RANBP10: variants seen among roughly 807,000 people sequenced by gnomAD.
RANBP10 encodes the protein RAN binding protein 10.
A neutral mutation model predicts 72.8 loss-of-function variants in RANBP10; 24 were observed. The observed-to-expected ratio is 0.33, with a 90% CI of 0.24 to 0.46. The LOEUF (loss-of-function observed/expected upper bound fraction) is 0.46. RANBP10 is among the 20% of genes least tolerant of loss of function. RANBP10 has a pLI of 1.00. For synonymous variants in RANBP10, 310 were observed against 322.3 expected (o/e 0.96, Z 0.41); for missense variants, 679 against 817.5 (o/e 0.83, Z 2.07).
Position 67,806,284 on chromosome 16 carries a change from A to C in RANBP10, c.235+18T>G, listed in dbSNP as rs766562827. On this transcript the variant is annotated intron_variant, in intron 1 of 13. Coordinates refer to ENST00000317506, the MANE Select transcript of RANBP10 (RefSeq NM_020850.3). ...GGACGCTCTAGCCTTAATTCCCCCCAGCCTGACGGGCCGATACCTTTGTAG... is the reference window on the plus strand; with the variant it reads ...GGACGCTCTAGCCTTAATTCCCCCCCGCCTGACGGGCCGATACCTTTGTAG... 4.4e-6 allele frequency: 7 copies of C among 1,595,914 alleles called. No individual in the cohort carries two copies. The highest frequency in any genetic ancestry group is 2.3e-5 in the South Asian group (2 of 88,886).
At chr16:67,764,587 C>A (rs946415122) in intron 3 of RANBP10, among the ~76,000 whole-genome samples, 4 of 152,196 alleles carry the variant, frequency 2.6e-5, no homozygotes, top group Non-Finnish European at 5.9e-5. Context: ...TGTGAAGACA[C>A]CAAGTCCAGC....
chr16:67,763,133 A>C (rs2054429771), intron 3 of RANBP10, among the ~76,000 whole-genome samples: 1 of 152,120 alleles, frequency 6.6e-6, no homozygotes, highest in South Asian at 2.1e-4. Context: ...TGAGCAGGAG[A>C]CTGTCCACTG....
chr16:67,748,665 G>GTGT (rs1362752412), intron 3 of RANBP10, among the ~76,000 whole-genome samples: 2 of 152,018 alleles, frequency 1.3e-5, no homozygotes, highest in Non-Finnish European at 2.9e-5. Context: ...CTGCACCAAG[G>GTGT]TGTTAGAAAA....
intron 5 of RANBP10, 77 bp downstream of exon 5, chr16:67,737,936 A>T (rs2143004041): frequency 6.7e-7 from 1 of 1,496,830 alleles, no homozygotes; most frequent in African/African-American, 1.4e-5. Flanking sequence ...CACACCCTGC[A>T]CTTGCAGGTA....
At chr16:67,789,135 T>C (rs2054977614) in intron 2 of RANBP10, among the ~76,000 whole-genome samples, 1 of 149,086 alleles carries the variant, frequency 6.7e-6, no homozygotes, top group Non-Finnish European at 1.5e-5. Context: ...TATGGTGAAA[T>C]GCCATCTCTA....
intron 2 of RANBP10, among the ~76,000 whole-genome samples, chr16:67,799,314 G>A (rs1404294559): frequency 1.5e-5 from 2 of 136,698 alleles, no homozygotes; most frequent in Non-Finnish European, 3.1e-5. Flanking sequence ...TTGAGACAGA[G>A]TCTCGCTCTG....
At chr16:67,728,625 A>G in intron 10 of RANBP10, 114 bp from the exon 11 acceptor site, 2 of 1,565,048 alleles carry the variant, frequency 1.3e-6, no homozygotes, top group East Asian at 2.3e-5. Context: ...GAGGACCCCC[A>G]GGAACATGAA....
intron 1 of RANBP10, 98 bp downstream of exon 1, chr16:67,806,204 C>G (rs974797030): frequency 1.1e-4 from 129 of 1,206,532 alleles, no homozygotes; most frequent in Non-Finnish European, 1.4e-4. Context: ...CTTGGAGCAC[C>G]TAGGCAGGGA....
intron 2 of RANBP10, among the ~76,000 whole-genome samples, chr16:67,795,069 T>C (rs2055104446): frequency 6.7e-6 from 1 of 150,142 alleles, no homozygotes; most frequent in African/African-American, 2.5e-5. Context: ...GGGCAAGTGG[T>C]GAAATTCCAT....
intron 2 of RANBP10, among the ~76,000 whole-genome samples, chr16:67,773,811 G>C (rs1033061753): frequency 6.6e-6 from 1 of 152,202 alleles, no homozygotes; most frequent in South Asian, 2.1e-4. Flanking sequence ...ATTTGAGACA[G>C]AGTTGGATCC....
Position 67,734,843 on chromosome 16 carries a change from G to A in RANBP10, c.776+15C>T. The A allele has an allele frequency of 6.4e-7, 1 of 1,564,196 alleles. No homozygotes were observed. The highest frequency in any genetic ancestry group is 1.2e-5 in the South Asian group (1 of 84,592). On this transcript the variant is annotated intron_variant, in intron 6 of 13. Coordinates refer to ENST00000317506, the MANE Select transcript of RANBP10 (RefSeq NM_020850.3). ...GTGGGGTGGGAGTGGGTAAGGGCAGGAGCAGGGCACTCACTTCTGCAGCAC... is the reference window on the plus strand; with the variant it reads ...GTGGGGTGGGAGTGGGTAAGGGCAGAAGCAGGGCACTCACTTCTGCAGCAC...
chr16:67,735,967 C>T (rs1440251425), intron 5 of RANBP10, among the ~76,000 whole-genome samples: 1 of 151,950 alleles, frequency 6.6e-6, no homozygotes, highest in Non-Finnish European at 1.5e-5. Flanking sequence ...TGTGAGGCTC[C>T]CTGCTTTCCA....
At chr16:67,747,031 C>A (rs1018157896) in intron 3 of RANBP10, among the ~76,000 whole-genome samples, 10 of 152,182 alleles carry the variant, frequency 6.6e-5, no homozygotes, top group African/African-American at 2.2e-4. Flanking sequence ...GTTTTCATTT[C>A]TCTTGGGTAA....
chr16:67,775,938 G>A (rs1188627544), intron 2 of RANBP10, among the ~76,000 whole-genome samples: 4 of 151,878 alleles, frequency 2.6e-5, no homozygotes, highest in Non-Finnish European at 5.9e-5. Flanking sequence ...AAGGTCAGGA[G>A]ATCAAGACCA....
At chr16:67,742,233 G>A (rs1022239223) in intron 4 of RANBP10, among the ~76,000 whole-genome samples, 2 of 152,112 alleles carry the variant, frequency 1.3e-5, no homozygotes, top group Non-Finnish European at 2.9e-5. Context: ...TTAAATGGCT[G>A]ATGTCTTCCA....
intron 2 of RANBP10, among the ~76,000 whole-genome samples, chr16:67,772,340 T>C (rs1567700990): frequency 6.6e-6 from 1 of 152,178 alleles, no homozygotes; most frequent in Admixed American, 6.5e-5. Flanking sequence ...CCGGCTTCAA[T>C]TTCAGAGGAA....
chr16:67,723,617 G>C lies in RANBP10; in HGVS notation c.*2811C>G, dbSNP rs2053560287. ...GGATGGGGGTTCTGGCTTGCTATGA[G>C]TGCCAGTTTTTGCTCTGGAAGGAGT... On this transcript the variant is annotated 3_prime_UTR_variant, in exon 14 of 14. Coordinates refer to ENST00000317506, the MANE Select transcript of RANBP10 (RefSeq NM_020850.3). 1 of 152,710 alleles carries C rather than the reference G, an allele frequency of 6.5e-6. No individual in the cohort carries two copies. Among genetic ancestry groups the C allele is most frequent in the Non-Finnish European group, 1.5e-5 (1 of 68,126 alleles). 9.5% of individuals were successfully genotyped at this position (152,710 alleles called of 1,614,324 possible).
chr16:67,792,044 CAAAAAA>C (rs567961558), intron 2 of RANBP10, among the ~76,000 whole-genome samples: 1 of 79,202 alleles, frequency 1.3e-5, no homozygotes, highest in Admixed American at 1.4e-4. Flanking sequence ...GACTCCGTCT[CAAAAAA>C]AAAAAAAAAA....
Position 67,729,315 on chromosome 16 carries a change from G to A in RANBP10, c.1317C>T (p.Ser439=), listed in dbSNP as rs1355711120. 1.2e-6 allele frequency: 2 copies of A among 1,612,480 alleles called. No homozygotes were observed. The highest frequency in any genetic ancestry group is 8.5e-7 in the Non-Finnish European group (1 of 1,179,656). The change falls in exon 10 of 14, where the codon TCC becomes TCT. Residue 439 remains serine, a synonymous_variant. Coordinates refer to ENST00000317506, the MANE Select transcript of RANBP10 (RefSeq NM_020850.3). The surrounding 1 kb of genome is among the most constrained non-coding windows in gnomAD (Gnocchi z 7.1). ...GGTTACTGGTACTGCTGTGGTGCTGGGACTTGGTGGAGTCTGTTGAGTTGG... is the reference window on the plus strand; with the variant it reads ...GGTTACTGGTACTGCTGTGGTGCTGAGACTTGGTGGAGTCTGTTGAGTTGG... ...SESNSTDSTK[S]QHHSSTSNQE...
Sources: gnomAD v4.1 joint callset for allele counts (sites outside exome capture counted in the v4.1 genomes callset) on GRCh38, gnomAD v4.1.1 for gene constraint, Gnocchi (gnomAD v3.1) non-coding constraint, MANE v1.5 for transcripts, NCBI Gene and HGNC (gene_info 2026-07-23, HGNC 2026-07-21) for gene names.